Variants in UCMA observed in about 807,000 individuals in gnomAD.
The protein encoded by UCMA is upper zone of growth plate and cartilage matrix-associated protein.
Under a neutral mutation model 21.8 loss-of-function variants are expected in UCMA, and 21 were observed. The observed-to-expected ratio is 0.97, with a 90% CI of 0.68 to 1.39. The LOEUF is 1.39. Among genes scored for constraint, UCMA ranks in the 40% most tolerant of loss-of-function variants. The probability of loss-of-function intolerance (pLI) is 0.00; values close to 1 mark genes in which losing one functional copy is unlikely to be tolerated. For synonymous variants in UCMA, 76 were observed against 67.9 expected (o/e 1.12, Z -0.58); for missense variants, 193 against 178.9 (o/e 1.08, Z -0.45).
intron 4 of UCMA, among the ~76,000 whole-genome samples, chr10:13,223,807 C>T (rs1834789787): frequency 6.6e-6 from 1 of 151,904 alleles, no homozygotes; most frequent in African/African-American, 2.4e-5. Flanking sequence ...CTGCCTCGGC[C>T]TTCCAAAGCA....
chr10:13,233,573 C>CCGCG lies in UCMA; in HGVS notation c.181_184dup (p.Gly62AlafsTer11). 6.2e-7 allele frequency: 1 copy of CCGCG among 1,614,050 alleles called. No homozygotes were observed. Among genetic ancestry groups the CCGCG allele is most frequent in the Non-Finnish European group, 8.5e-7 (1 of 1,180,012 alleles). On this transcript the variant is annotated frameshift_variant, in exon 3 of 5. Transcript: ENST00000378681. LOFTEE classifies it high-confidence loss of function. ...ATCTCTGGACTTGGGGGACCGCTTG[C>CCGCG]CGCGCCTCTTGAGGAAATTCGAGGC...
At chr10:13,232,067 G>A (rs1834905666) in intron 3 of UCMA, among the ~76,000 whole-genome samples, 1 of 152,094 alleles carries the variant, frequency 6.6e-6, no homozygotes. Context: ...CTCATTGTTT[G>A]GAGTCAGCTT....
At chr10:13,224,214 C>T (rs557458360) in intron 4 of UCMA, among the ~76,000 whole-genome samples, 2 of 152,038 alleles carry the variant, frequency 1.3e-5, no homozygotes, top group Non-Finnish European at 2.9e-5. Flanking sequence ...ATAGTCCCAA[C>T]TACTTGGGAG....
At chr10:13,224,745 C>G (rs566382194) in intron 4 of UCMA, among the ~76,000 whole-genome samples, 1 of 152,204 alleles carries the variant, frequency 6.6e-6, no homozygotes, top group African/African-American at 2.4e-5. Flanking sequence ...GTGAGAGCCG[C>G]GTGCTCAGGC....
chr10:13,223,956 G>A (rs147683717), intron 4 of UCMA, among the ~76,000 whole-genome samples: 1 of 152,282 alleles, frequency 6.6e-6, no homozygotes, highest in African/African-American at 2.4e-5. Flanking sequence ...TTCTGTATGA[G>A]GCTATGCAAG....
At chr10:13,227,251 G>A (rs1008747370) in intron 4 of UCMA, among the ~76,000 whole-genome samples, 1 of 152,174 alleles carries the variant, frequency 6.6e-6, no homozygotes, top group Non-Finnish European at 1.5e-5. Context: ...GCCTTCCGAG[G>A]GTGCTGCCTC....
At chr10:13,225,725 G>C (rs1834816452) in intron 4 of UCMA, among the ~76,000 whole-genome samples, 1 of 150,696 alleles carries the variant, frequency 6.6e-6, no homozygotes, top group East Asian at 2.0e-4. Flanking sequence ...ACAGTTAGCT[G>C]AAACCAGGGT....
intron 4 of UCMA, among the ~76,000 whole-genome samples, chr10:13,229,166 C>T (rs1164562518): frequency 1.3e-5 from 2 of 152,036 alleles, no homozygotes; most frequent in Admixed American, 1.3e-4. Flanking sequence ...AAACTCCTGA[C>T]CTCAGGTGAT....
intron 4 of UCMA, among the ~76,000 whole-genome samples, chr10:13,227,846 G>A (rs1482453586): frequency 6.6e-6 from 1 of 151,032 alleles, no homozygotes; most frequent in Non-Finnish European, 1.5e-5. Context: ...GGTGACCCTT[G>A]AGGGTACTTC....
At chr10:13,224,988 C>T (rs1275477379) in intron 4 of UCMA, among the ~76,000 whole-genome samples, 3 of 152,188 alleles carry the variant, frequency 2.0e-5, no homozygotes, top group Non-Finnish European at 4.4e-5. Context: ...TTCTCAAGCT[C>T]AGTAGACGAG....
chr10:13,226,186 T>C (rs1834821736), intron 4 of UCMA, among the ~76,000 whole-genome samples: 2 of 149,212 alleles, frequency 1.3e-5, no homozygotes, highest in South Asian at 2.1e-4. Context: ...CAGTTTTTTA[T>C]TTTTGTTGTG....
rs924472795 is a variant in UCMA, at chr10:13,233,485, G to T, written c.220+53C>A. On this transcript the variant is annotated intron_variant, in intron 3 of 4. Coordinates refer to ENST00000378681, the MANE Select transcript of UCMA (RefSeq NM_145314.3). The stretch of plus-strand genomic sequence containing the variant: ...ACTGTGGGAGAGGAGGAGCCGGGGG[G>T]TGTGAGCAGAGGTGGTGATGGACGC... 2.1e-5 allele frequency: 31 copies of T among 1,442,032 alleles called. No homozygotes were observed. The Admixed American group carries it at 2.7e-4, about 13-fold the overall frequency. The allele number at this position is 1,442,032 out of a possible 1,614,324, so 89.3% of individuals were successfully genotyped here. A position where few individuals can be genotyped will look rare whatever the true frequency, so the allele number is the denominator to read the frequency against.
chr10:13,229,511 A>G, intron 4 of UCMA, 100 bp downstream of exon 4: 1 of 1,128,948 alleles, frequency 8.9e-7, no homozygotes, highest in East Asian at 2.4e-5. Flanking sequence ...GTCTCAAAAA[A>G]AGAAAAAAAA....
At chr10:13,227,743 T>TACACACACACACAC (rs55831241) in intron 4 of UCMA, among the ~76,000 whole-genome samples, 2,019 of 110,586 alleles carry the variant, frequency 0.018, 30 homozygotes, top group Middle Eastern at 0.045. Context: ...GGAAAGGAAA[T>TACACACACACACAC]ACACACACAC....
At chr10:13,229,930 G>T (rs1834877135) in intron 3 of UCMA, among the ~76,000 whole-genome samples, 1 of 152,194 alleles carries the variant, frequency 6.6e-6, no homozygotes, top group African/African-American at 2.4e-5. Flanking sequence ...CAAATGAGAA[G>T]ATAGAGGCCC....
intron 4 of UCMA, among the ~76,000 whole-genome samples, chr10:13,225,218 T>C (rs1364296323): frequency 6.6e-6 from 1 of 152,116 alleles, no homozygotes; most frequent in Non-Finnish European, 1.5e-5. Flanking sequence ...CATGCCGGGC[T>C]AATTTTTAAT....
At chr10:13,226,983 A>G (rs1465797946) in intron 4 of UCMA, among the ~76,000 whole-genome samples, 1 of 152,204 alleles carries the variant, frequency 6.6e-6, no homozygotes, top group African/African-American at 2.4e-5. Context: ...ATCACACTGA[A>G]GGAATTTTGA....
intron 4 of UCMA, among the ~76,000 whole-genome samples, chr10:13,227,548 T>A (rs1306451273): frequency 1.3e-5 from 2 of 151,804 alleles, no homozygotes; most frequent in Non-Finnish European, 2.9e-5. Flanking sequence ...TAAATCCCCA[T>A]CTCTACCCAA....
In UCMA at chr10:13,222,314, G is replaced by T; in HGVS notation, c.320-114C>A. 8.2e-6 allele frequency: 7 copies of T among 858,686 alleles called. No individual in the cohort carries two copies. The South Asian group carries it at 9.7e-5, about 12-fold the overall frequency. 53.2% of individuals were successfully genotyped at this position (858,686 alleles called of 1,614,324 possible). A position where few individuals can be genotyped will look rare whatever the true frequency, so the allele number is the denominator to read the frequency against. On this transcript the variant is annotated intron_variant, in intron 4 of 4. Coordinates refer to ENST00000378681, the MANE Select transcript of UCMA (RefSeq NM_145314.3). ...GTGGTGACCTGCACTGAGAGTGTTTGTGAGCCCTGGTGAGAGAAGGCCAGG... is the reference window on the plus strand; with the variant it reads ...GTGGTGACCTGCACTGAGAGTGTTTTTGAGCCCTGGTGAGAGAAGGCCAGG...
Sources: gnomAD v4.1 joint callset for allele counts (sites outside exome capture counted in the v4.1 genomes callset) on GRCh38, gnomAD v4.1.1 for gene constraint, MANE v1.5 for transcripts, NCBI Gene and HGNC (gene_info 2026-07-23, HGNC 2026-07-21) for gene names.